The following UNC13C variants were observed in gnomAD, a reference collection of about 807,000 sequenced individuals.
The protein encoded by UNC13C is unc-13 homolog C, also known as protein unc-13 homolog C.
UNC13C carries 174 observed loss-of-function variants against 245.4 expected under a neutral mutation model. That is an observed-to-expected ratio of 0.71 (90% CI 0.63 to 0.80). The LOEUF (loss-of-function observed/expected upper bound fraction) is 0.80. Among genes scored for constraint, UNC13C ranks in the 30% least tolerant of loss-of-function variants. UNC13C has a pLI of 0.00. For missense variants in UNC13C, 2,829 were observed against 2,602.9 expected, an observed-to-expected ratio of 1.09 and a Z score of -1.89; for synonymous variants, 992 against 895.1, an observed-to-expected ratio of 1.11 and a Z score of -1.93.
chr15:54,336,740 C>A (rs1425005278), intron 16 of UNC13C, among the ~76,000 whole-genome samples: 1 of 152,024 alleles, frequency 6.6e-6, no homozygotes, highest in Non-Finnish European at 1.5e-5. Flanking sequence ...TTTCCTTTCT[C>A]CATTGAATTG....
intron 32 of UNC13C, among the ~76,000 whole-genome samples, chr15:54,624,433 A>C (rs1374258608): frequency 1.3e-5 from 2 of 152,138 alleles, no homozygotes; most frequent in East Asian, 3.9e-4. Context: ...CTCTAAGGCG[A>C]GAGCAAGTCT....
At chr15:54,357,267 A>G (rs1010469540) in intron 17 of UNC13C, among the ~76,000 whole-genome samples, 1 of 152,068 alleles carries the variant, frequency 6.6e-6, no homozygotes, top group Non-Finnish European at 1.5e-5. Flanking sequence ...GTGTTTTATT[A>G]TAAATTTCAA....
chr15:54,352,975 A>G (rs1027019071), intron 17 of UNC13C, among the ~76,000 whole-genome samples: 3 of 152,184 alleles, frequency 2.0e-5, no homozygotes, highest in African/African-American at 7.2e-5. Context: ...TTCTTTGGCA[A>G]TGGTGAAAAT....
At chr15:54,024,555 A>G (rs993877489) in intron 2 of UNC13C, among the ~76,000 whole-genome samples, 3 of 150,956 alleles carry the variant, frequency 2.0e-5, no homozygotes, top group African/African-American at 7.3e-5. Flanking sequence ...AAAACTGGAC[A>G]GAGCTAAATG....
chr15:54,134,658 T>A (rs1422906630), intron 2 of UNC13C, among the ~76,000 whole-genome samples: 1 of 152,026 alleles, frequency 6.6e-6, no homozygotes. Context: ...TAGCTGAGAC[T>A]ACAGGCGCCA....
At chr15:53,919,083 T>C in the UNC13C span, among the ~76,000 whole-genome samples, 78 of 152,338 alleles carry the variant, frequency 5.1e-4, no homozygotes, top group African/African-American at 1.9e-3. Context: ...CAATTTTTTT[T>C]CTTAAGTTTT....
intron 26 of UNC13C, among the ~76,000 whole-genome samples, chr15:54,537,565 A>G (rs1160134229): frequency 6.6e-6 from 1 of 152,074 alleles, no homozygotes; most frequent in Non-Finnish European, 1.5e-5. Flanking sequence ...GAGGCCTCAC[A>G]GGACCTGACT....
At chr15:54,314,837 T>G (rs1437937066) in intron 13 of UNC13C, among the ~76,000 whole-genome samples, 1 of 151,784 alleles carries the variant, frequency 6.6e-6, no homozygotes, top group Non-Finnish European at 1.5e-5. Flanking sequence ...GGCTGAAAAT[T>G]GTTTTGTTAG....
intron 2 of UNC13C, among the ~76,000 whole-genome samples, chr15:54,019,235 G>C (rs1371733536): frequency 3.9e-5 from 6 of 152,096 alleles, no homozygotes; most frequent in Admixed American, 3.3e-4. Context: ...TTGTTACTTT[G>C]GCTATTTAGA....
chr15:54,572,416 T>G (rs939624110), intron 30 of UNC13C, among the ~76,000 whole-genome samples: 1 of 150,748 alleles, frequency 6.6e-6, no homozygotes, highest in Non-Finnish European at 1.5e-5. Flanking sequence ...GATTTTTTTG[T>G]CTCTTTAATT....
chr15:53,982,499 ATGATATGG>A (rs1270349482), intron 1 of UNC13C, among the ~76,000 whole-genome samples: 12 of 152,226 alleles, frequency 7.9e-5, no homozygotes, highest in African/African-American at 2.9e-4. Flanking sequence ...GGGGGCACTG[ATGATATGG>A]TCTCAGAATA....
intron 19 of UNC13C, among the ~76,000 whole-genome samples, chr15:54,437,841 T>G (rs1172809514): frequency 6.6e-6 from 1 of 151,908 alleles, no homozygotes; most frequent in Non-Finnish European, 1.5e-5. Flanking sequence ...AGTTTTGAAA[T>G]CCATGAAATT....
the UNC13C span, among the ~76,000 whole-genome samples, chr15:53,908,765 A>AAAT: frequency 6.9e-6 from 1 of 143,964 alleles, no homozygotes; most frequent in Non-Finnish European, 1.5e-5. Context: ...AAAAAAAAAA[A>AAAT]AAAAAGTGTA....
chr15:54,565,816 A>C lies in UNC13C; in HGVS notation c.5959-1984A>C, dbSNP rs185393959. 8.5e-5 allele frequency among the ~76,000 whole-genome samples: 13 copies of C among 152,188 alleles called. No homozygotes were observed. In the East Asian group the frequency reaches 2.3e-3, roughly 27 times the overall value. Reference sequence around the variant, plus strand: ...TAGAGTTTTAAAGTAGCCCAAGGACAATGAAAAGTGAAAATAACGCAAATG... The same window carrying C: ...TAGAGTTTTAAAGTAGCCCAAGGACCATGAAAAGTGAAAATAACGCAAATG... On this transcript the variant is annotated intron_variant, in intron 29 of 32. Coordinates refer to ENST00000260323, the MANE Select transcript of UNC13C (RefSeq NM_001080534.3).
the UNC13C span, among the ~76,000 whole-genome samples, chr15:53,875,263 G>A: frequency 6.6e-6 from 1 of 152,206 alleles, no homozygotes. Context: ...AGTGTTCATG[G>A]TAGAGCCAAG....
chr15:54,588,627 A>G (rs141264100), intron 30 of UNC13C, among the ~76,000 whole-genome samples: 1 of 152,058 alleles, frequency 6.6e-6, no homozygotes, highest in African/African-American at 2.4e-5. Context: ...CTTGTCTTTT[A>G]TCCCTACCCC....
chr15:54,455,707 GATT>G (rs1567289805), intron 19 of UNC13C, among the ~76,000 whole-genome samples: 3 of 151,202 alleles, frequency 2.0e-5, no homozygotes, highest in African/African-American at 7.3e-5. Context: ...ATGGGGTTAT[GATT>G]ATTATTATGA....
the UNC13C span, among the ~76,000 whole-genome samples, chr15:53,890,177 C>T: frequency 7.0e-4 from 104 of 149,166 alleles, no homozygotes; most frequent in East Asian, 5.0e-3. Flanking sequence ...ATTCTCACTG[C>T]GTCACCCAGG....
intron 19 of UNC13C, among the ~76,000 whole-genome samples, chr15:54,458,680 C>CTTTTTTTTTTT (rs79291504): frequency 9.1e-5 from 6 of 65,974 alleles, no homozygotes; most frequent in Admixed American, 2.4e-4. Flanking sequence ...CCTTTAAGGT[C>CTTTTTTTTTTT]TTTTTTTTTT....
Sources: gnomAD v4.1 joint callset for allele counts (sites outside exome capture counted in the v4.1 genomes callset) on GRCh38, gnomAD v4.1.1 for gene constraint, MANE v1.5 for transcripts, NCBI Gene and HGNC (gene_info 2026-07-23, HGNC 2026-07-21) for gene names.